Variants in DOCK4 observed in about 807,000 individuals in gnomAD.
The protein encoded by DOCK4 is dedicator of cytokinesis protein 4.
Under a neutral mutation model 268.1 loss-of-function variants are expected in DOCK4, and 97 were observed. That is an observed-to-expected ratio of 0.36 (90% CI 0.31 to 0.43). The LOEUF (loss-of-function observed/expected upper bound fraction) is 0.43, where lower values mean the gene tolerates loss of function less well. Ranked by LOEUF, DOCK4 falls within the 20% of genes least tolerant of loss-of-function variation. The pLI is 1.00. For missense variants in DOCK4, 2,145 were observed against 2,455.7 expected, an observed-to-expected ratio of 0.87 and a Z score of 2.67; for synonymous variants, 954 against 887.2, an observed-to-expected ratio of 1.08 and a Z score of -1.34.
intron 1 of DOCK4, among the ~76,000 whole-genome samples, chr7:112,176,939 T>G (rs542738456): frequency 1.3e-5 from 2 of 152,338 alleles, no homozygotes; most frequent in African/African-American, 4.8e-5. Context: ...TTTCAAGATC[T>G]TGGCCATGGT....
At chr7:111,944,674 T>C (rs1795476345) in intron 10 of DOCK4, 137 bp downstream of exon 10, 4 of 834,574 alleles carry the variant, frequency 4.8e-6, no homozygotes, top group Non-Finnish European at 7.7e-6. Flanking sequence ...ATTCACAACT[T>C]CTGTGATTCT....
intron 22 of DOCK4, among the ~76,000 whole-genome samples, chr7:111,865,018 T>C (rs1366333778): frequency 6.6e-6 from 1 of 152,234 alleles, no homozygotes; most frequent in Non-Finnish European, 1.5e-5. Flanking sequence ...GGAAGACGGC[T>C]GTGCCAGGGC....
chr7:111,764,873 A>C (rs959294626), intron 39 of DOCK4, among the ~76,000 whole-genome samples: 7 of 151,884 alleles, frequency 4.6e-5, no homozygotes, highest in African/African-American at 1.7e-4. Flanking sequence ...GTATCAGACA[A>C]GGGAAACTAT....
chr7:112,205,819 T>G (rs1199502021), intron 1 of DOCK4, among the ~76,000 whole-genome samples: 1 of 150,392 alleles, frequency 6.6e-6, no homozygotes, highest in Admixed American at 6.6e-5. Context: ...CACTCCAAAC[T>G]CCGCAGGCAG....
chr7:112,036,298 A>G (rs1442275171), intron 1 of DOCK4, among the ~76,000 whole-genome samples: 1 of 152,198 alleles, frequency 6.6e-6, no homozygotes, highest in African/African-American at 2.4e-5. Flanking sequence ...CAGACATGGA[A>G]AAACTGTGGC....
intron 23 of DOCK4, among the ~76,000 whole-genome samples, chr7:111,862,106 C>T (rs1805584345): frequency 1.3e-5 from 2 of 152,022 alleles, no homozygotes; most frequent in Non-Finnish European, 2.9e-5. Flanking sequence ...CGACAGCAGC[C>T]TGAACAACAT....
chr7:111,728,446 A>G lies in DOCK4; in HGVS notation c.5756T>C (p.Leu1919Pro), dbSNP rs761891259. The G allele has an allele frequency of 1.0e-5, 16 of 1,602,004 alleles. No homozygotes were observed. The highest frequency in any genetic ancestry group is 8.4e-5 in the Admixed American group (5 of 59,328). Residue 1919 changes from leucine (L) to proline (P), a missense_variant, in exon 53 of 53, where the codon CTG (leucine) becomes CCG (proline). By Grantham distance (98) the Leu-to-Pro change is moderately conservative (BLOSUM62 -3). This residue lies in a region of DOCK4 where 547 missense variants were observed against 469.0 expected (regional missense o/e 1.17). Coordinates refer to ENST00000428084, the MANE Select transcript of DOCK4 (RefSeq NM_001363540.2). The stretch of plus-strand genomic sequence containing the variant: ...GTGAGGTAGCGGGACGGGGCGCCGC[A>G]GAGTCCGCTCGTAGACGCTGTACGG... ...PPPYSVYERT[L>P]RRPVPLPHSL...
At chr7:111,761,359 C>T (rs1797395601) in intron 39 of DOCK4, among the ~76,000 whole-genome samples, 1 of 152,150 alleles carries the variant, frequency 6.6e-6, no homozygotes, top group Admixed American at 6.5e-5. Context: ...CACGCCTGGC[C>T]ATGGCTTAAT....
chr7:111,762,061 G>A (rs10235868), intron 39 of DOCK4, among the ~76,000 whole-genome samples: 54,601 of 151,836 alleles, frequency 0.36, 10,168 homozygotes, highest in South Asian at 0.59. Context: ...TGTAAAAATC[G>A]GGGCATTTGC....
chr7:111,895,851 G>A, intron 15 of DOCK4, 133 bp from the exon 16 acceptor site: 1 of 788,660 alleles, frequency 1.3e-6, no homozygotes, highest in Non-Finnish European at 2.1e-6. Flanking sequence ...CAGCTTTTCT[G>A]ATAGGCCATC....
intron 23 of DOCK4, among the ~76,000 whole-genome samples, chr7:111,854,053 C>T (rs117005842): frequency 0.046 from 7,008 of 151,928 alleles, 234 homozygotes; most frequent in Non-Finnish European, 0.07. Flanking sequence ...GCCTCAGCCT[C>T]GGGACTAGCT....
At chr7:111,883,367 C>T (rs907939985) in intron 16 of DOCK4, among the ~76,000 whole-genome samples, 7 of 152,174 alleles carry the variant, frequency 4.6e-5, no homozygotes, top group African/African-American at 1.7e-4. Context: ...TGTCTAACCA[C>T]CACTTCCTAG....
At chr7:111,799,434 T>C (rs893934559) in intron 30 of DOCK4, among the ~76,000 whole-genome samples, 8 of 152,138 alleles carry the variant, frequency 5.3e-5, no homozygotes, top group Non-Finnish European at 2.9e-5. Flanking sequence ...ACATTTAGTA[T>C]TAGCAAAAAC....
chr7:112,106,882 GA>G (rs57557892), intron 1 of DOCK4, among the ~76,000 whole-genome samples: 2 of 151,756 alleles, frequency 1.3e-5, no homozygotes, highest in Non-Finnish European at 2.9e-5. Flanking sequence ...GTCTGAAGGG[GA>G]AAAAAAAGCA....
intron 1 of DOCK4, among the ~76,000 whole-genome samples, chr7:112,063,581 A>G (rs534590879): frequency 6.6e-6 from 1 of 152,354 alleles, no homozygotes; most frequent in Non-Finnish European, 1.5e-5. Flanking sequence ...TCAAAATTCC[A>G]AAATCTAAGT....
intron 1 of DOCK4, among the ~76,000 whole-genome samples, chr7:112,056,345 A>C (rs1349979930): frequency 1.3e-5 from 2 of 152,236 alleles, no homozygotes; most frequent in Non-Finnish European, 2.9e-5. Context: ...GTAAAAAATA[A>C]GTGTATGCTT....
intron 1 of DOCK4, among the ~76,000 whole-genome samples, chr7:112,012,173 A>T (rs1010616041): frequency 4.6e-5 from 7 of 152,194 alleles, no homozygotes; most frequent in African/African-American, 1.7e-4. Flanking sequence ...TCTGCTATAG[A>T]TTCAAAAGCC....
At chr7:111,808,763 A>G (rs2133895243) in intron 30 of DOCK4, 58 bp downstream of exon 30, 1 of 1,552,890 alleles carries the variant, frequency 6.4e-7, no homozygotes, top group East Asian at 2.3e-5. Context: ...TCATTTGTAC[A>G]CTTCAAGGTA....
At chr7:111,778,238 C>G in intron 36 of DOCK4, 38 bp downstream of exon 36, 1 of 1,406,460 alleles carries the variant, frequency 7.1e-7, no homozygotes, top group Non-Finnish European at 1.0e-6. Flanking sequence ...ATTAATACAT[C>G]AGCTCCCTTC....
Sources: allele counts gnomAD v4.1 joint callset (sites outside exome capture counted in the v4.1 genomes callset), GRCh38; gene constraint gnomAD v4.1.1; regional missense constraint gnomAD v4.1.1; transcripts MANE v1.5; gene names NCBI Gene and HGNC (gene_info 2026-07-23, HGNC 2026-07-21).